The following PRKCZ variants were observed in gnomAD, a reference collection of about 807,000 sequenced individuals.
PRKCZ encodes the protein protein kinase C zeta, also known as protein kinase C zeta type.
PRKCZ carries 33 observed loss-of-function variants against 79.5 expected under a neutral mutation model. The observed-to-expected ratio is 0.41, with a 90% CI of 0.31 to 0.55. PRKCZ has a LOEUF of 0.55. PRKCZ is among the 20% of genes least tolerant of loss of function. The probability of loss-of-function intolerance (pLI) is 0.19; values close to 1 mark genes in which losing one functional copy is unlikely to be tolerated. For synonymous variants in PRKCZ, 342 were observed against 320.9 expected, an observed-to-expected ratio of 1.07 and a Z score of -0.70; for missense variants, 578 against 813.5, an observed-to-expected ratio of 0.71 and a Z score of 3.52.
At chr1:2,139,828 C>T (rs538992220) in intron 5 of PRKCZ, among the ~76,000 whole-genome samples, 2 of 152,186 alleles carry the variant, frequency 1.3e-5, no homozygotes, top group Non-Finnish European at 2.9e-5. Flanking sequence ...GAGTGGGAAT[C>T]GTGTCTGGAG....
intron 11 of PRKCZ, 73 bp downstream of exon 11, chr1:2,169,677 G>A: frequency 8.2e-7 from 1 of 1,224,056 alleles, no homozygotes; most frequent in Non-Finnish European, 1.1e-6. Flanking sequence ...GGTGTTGGGG[G>A]GCTGGGTGGG....
upstream of PRKCZ, chr1:2,049,200 G>A (rs6683042): frequency 0.2 from 30,336 of 152,320 alleles, 3,157 homozygotes; most frequent in East Asian, 0.25. Flanking sequence ...AAGAGAAAAC[G>A]TCTGAGAACC....
intron 4 of PRKCZ, among the ~76,000 whole-genome samples, chr1:2,114,001 T>G (rs1670247518): frequency 6.6e-6 from 1 of 152,044 alleles, no homozygotes; most frequent in South Asian, 2.1e-4. Context: ...GGGCTGGCTC[T>G]GGGGGAGGGA....
intron 4 of PRKCZ, among the ~76,000 whole-genome samples, chr1:2,099,933 A>G (rs1667172128): frequency 6.6e-6 from 1 of 152,236 alleles, no homozygotes; most frequent in South Asian, 2.1e-4. Flanking sequence ...ACCAGACTCC[A>G]GGGTCTGCAC....
At chr1:2,171,706 G>A (rs147544876) in intron 11 of PRKCZ, 8 of 219,252 alleles carry the variant, frequency 3.6e-5, no homozygotes, top group Middle Eastern at 1.6e-3. Context: ...ACTGTCTTCC[G>A]CAGCAGCGGC....
At chr1:2,055,712 A>AAAAGT in intron 2 of PRKCZ, 150 bp downstream of exon 2, 1 of 1,218,472 alleles carries the variant, frequency 8.2e-7, no homozygotes, top group Non-Finnish European at 1.1e-6. Flanking sequence ...CCCAGTGGGG[A>AAAAGT]TGGTGGGAAA....
chr1:2,148,834 A>G (rs1679264503), intron 7 of PRKCZ, 38 bp from the exon 8 acceptor site: 13 of 1,605,910 alleles, frequency 8.1e-6, no homozygotes, highest in Non-Finnish European at 1.1e-5. Flanking sequence ...GTTCCTGACC[A>G]CACCGTAACG....
chr1:2,184,519 A>C, intron 16 of PRKCZ, 64 bp from the exon 17 acceptor site: 1 of 1,252,764 alleles, frequency 8.0e-7, no homozygotes. Flanking sequence ...GTGCGTGCAA[A>C]ACACTCAATC....
intron 4 of PRKCZ, among the ~76,000 whole-genome samples, chr1:2,093,821 G>T (rs2102508137): frequency 6.6e-6 from 1 of 152,148 alleles, no homozygotes; most frequent in Non-Finnish European, 1.5e-5. Context: ...GCTTGGAGCT[G>T]CATCGGGCAC....
chr1:2,169,521 G>A lies in PRKCZ; in HGVS notation c.978G>A (p.Leu326=). The change falls in exon 11 of 18, where the codon TTG becomes TTA. Residue 326 remains leucine (L), a synonymous_variant. Transcript: ENST00000378567. Reference sequence around the variant, plus strand: ...TCCGGCGCCTCTCTCCCTGCAGGTTGTTCCTGGTCATTGAGTACGTCAACG... The same window carrying A: ...TCCGGCGCCTCTCTCCCTGCAGGTTATTCCTGGTCATTGAGTACGTCAACG... ...LHSCFQTTSR[L]FLVIEYVNGG... is the part of the protein sequence containing the mutation. The A allele has an allele frequency of 6.5e-7, 1 of 1,549,478 alleles. No homozygotes were observed. Among genetic ancestry groups the A allele is most frequent in the Non-Finnish European group, 8.7e-7 (1 of 1,145,754 alleles).
chr1:2,057,052 A>G (rs1005840355), intron 3 of PRKCZ, among the ~76,000 whole-genome samples: 1 of 152,106 alleles, frequency 6.6e-6, no homozygotes, highest in African/African-American at 2.4e-5. Flanking sequence ...TTATTAACCC[A>G]AATGAAAACT....
At position 2,127,107 on chromosome 1, in the gene PRKCZ, G is replaced by A. The variant is rs1674064481; in HGVS notation, c.335-8155G>A. 6.6e-6 allele frequency among the ~76,000 whole-genome samples: 1 copy of A among 152,240 alleles called. No individual in the cohort carries two copies. The highest frequency in any genetic ancestry group is 2.4e-5 in the African/African-American group (1 of 41,444). On this transcript the variant is annotated intron_variant, in intron 4 of 17. Coordinates refer to ENST00000378567, the MANE Select transcript of PRKCZ (RefSeq NM_002744.6). This position sits in a 1 kb window ranked among gnomAD's most constrained non-coding sequence, Gnocchi z 5.1. The stretch of plus-strand genomic sequence containing the variant: ...TGTGGTTGCACTAAGCAGCTGTGGG[G>A]AAGGGGGAGGTTGTTGCCTCAGTGG...
intron 9 of PRKCZ, 41 bp downstream of exon 9, chr1:2,151,019 C>T (rs262670): frequency 0.27 from 432,359 of 1,605,162 alleles, 60,463 homozygotes; most frequent in Admixed American, 0.37. Context: ...CCCGGGAACG[C>T]GCTGCCCTGG....
chr1:2,183,691 A>G (rs1687087197), intron 16 of PRKCZ: 2 of 152,832 alleles, frequency 1.3e-5, no homozygotes, highest in African/African-American at 4.8e-5. Context: ...TGCTTCCAAG[A>G]TGGCGCCCAA....
chr1:2,077,151 GTGCT>G (rs1192694375), intron 4 of PRKCZ, among the ~76,000 whole-genome samples: 1 of 152,238 alleles, frequency 6.6e-6, no homozygotes, highest in Non-Finnish European at 1.5e-5. Context: ...GGGTGTGAGG[GTGCT>G]GGGGCTTCGT....
Position 2,185,335 on chromosome 1 carries a change from G to T in PRKCZ, c.*326G>T, listed in dbSNP as rs758234226. On this transcript the variant is annotated 3_prime_UTR_variant, in exon 18 of 18. Transcript: ENST00000378567. ...GAAACAGAACTCGATGCACTGACCT[G>T]CTCCGCCAGGAAAGTGAGCGTGTAG... 7 of 718,816 alleles carry T rather than the reference G, an allele frequency of 9.7e-6. No individual in the cohort carries two copies. In the South Asian group the frequency reaches 1.0e-4, roughly 11 times the overall value. The allele number at this position is 718,816 out of a possible 1,614,324, so 44.5% of individuals were successfully genotyped here.
At chr1:2,180,269 T>G (rs1309514293) in intron 16 of PRKCZ, among the ~76,000 whole-genome samples, 1 of 150,856 alleles carries the variant, frequency 6.6e-6, no homozygotes, top group East Asian at 2.0e-4. Context: ...TCGGTGGGGC[T>G]TTAAGGCCAA....
chr1:2,173,670 C>T lies in PRKCZ; in HGVS notation c.1286-227C>T, dbSNP rs1684907047. Among the ~76,000 whole-genome samples, 1 of 152,220 alleles carries T rather than the reference C, an allele frequency of 6.6e-6. No individual in the cohort carries two copies. Among genetic ancestry groups the T allele is most frequent in the Non-Finnish European group, 1.5e-5 (1 of 68,030 alleles). The stretch of plus-strand genomic sequence containing the variant: ...CCTGGCAGGACCGACAGCCCAGAGG[C>T]AGCCTGGGAGACCTCCGTAGTGTCA... On this transcript the variant is annotated intron_variant, in intron 13 of 17. Transcript: ENST00000378567. This position sits in a 1 kb window ranked among gnomAD's most constrained non-coding sequence, Gnocchi z 5.7.
chr1:2,151,933 C>T (rs562391786), intron 9 of PRKCZ, among the ~76,000 whole-genome samples: 1 of 152,268 alleles, frequency 6.6e-6, no homozygotes, highest in Non-Finnish European at 1.5e-5. Context: ...CTGCAGCCTC[C>T]ACCTCCTGCT....
Sources: allele counts gnomAD v4.1 joint callset (sites outside exome capture counted in the v4.1 genomes callset), GRCh38; gene constraint gnomAD v4.1.1; non-coding constraint Gnocchi (gnomAD v3.1); transcripts MANE v1.5; gene names NCBI Gene and HGNC (gene_info 2026-07-23, HGNC 2026-07-21).